TTC27: variants seen among roughly 807,000 people sequenced by gnomAD.
TTC27 encodes tetratricopeptide repeat domain 27.
A neutral mutation model predicts 115.9 loss-of-function variants in TTC27; 79 were observed. That is an observed-to-expected ratio of 0.68 (90% CI 0.57 to 0.82). The LOEUF (loss-of-function observed/expected upper bound fraction) is 0.82, where lower values mean the gene tolerates loss of function less well. Among genes scored for constraint, TTC27 ranks in the 40% least tolerant of loss-of-function variants. The pLI is 0.00. For synonymous variants in TTC27, 401 were observed against 356.0 expected (o/e 1.13, Z -1.42); for missense variants, 1,054 against 993.1 (o/e 1.06, Z -0.82).
chr2:32,818,145 T>A (rs1050837392), intron 19 of TTC27, among the ~76,000 whole-genome samples: 2 of 152,192 alleles, frequency 1.3e-5, no homozygotes, highest in Non-Finnish European at 2.9e-5. Flanking sequence ...GCTCTTGTAT[T>A]TATTGTCATT....
intron 16 of TTC27, among the ~76,000 whole-genome samples, chr2:32,797,528 C>A (rs900971918): frequency 5.3e-5 from 8 of 152,240 alleles, no homozygotes; most frequent in Admixed American, 4.6e-4. Context: ...GAAATTTCAA[C>A]AAATTGTCCT....
Position 32,691,749 on chromosome 2 carries a change from C to T in TTC27, c.1120-11058C>T, listed in dbSNP as rs574918100. On this transcript the variant is annotated intron_variant, in intron 9 of 19. Transcript: ENST00000317907. Reference sequence around the variant, plus strand: ...ATTACTAGAGTTTATTTCACATTCACAACAGTCATAAAAATATTAAAAGTA... The same window carrying T: ...ATTACTAGAGTTTATTTCACATTCATAACAGTCATAAAAATATTAAAAGTA... Among the ~76,000 whole-genome samples, 1,443 of 151,626 alleles carry T rather than the reference C, an allele frequency of 9.5e-3. 22 individuals carry two copies. The highest frequency in any genetic ancestry group is 0.033 in the African/African-American group (1,375 of 41,412).
chr2:32,646,168 A>G (rs1234483130), intron 4 of TTC27, among the ~76,000 whole-genome samples: 1 of 151,908 alleles, frequency 6.6e-6, no homozygotes, highest in African/African-American at 2.4e-5. Context: ...AGCTGGGACT[A>G]CAGGCGCCCA....
intron 13 of TTC27, 71 bp downstream of exon 13, chr2:32,758,590 A>G: frequency 1.4e-6 from 2 of 1,411,988 alleles, no homozygotes; most frequent in South Asian, 2.4e-5. Context: ...TTACAGAATG[A>G]GTACCCATTT....
At chr2:32,687,088 G>A (rs1004734552) in intron 9 of TTC27, among the ~76,000 whole-genome samples, 6 of 151,970 alleles carry the variant, frequency 3.9e-5, no homozygotes, top group Admixed American at 6.6e-5. Context: ...CAGGTGATCC[G>A]CCTACCTCAG....
At chr2:32,795,148 A>C (rs1382200226) in intron 16 of TTC27, among the ~76,000 whole-genome samples, 1 of 147,932 alleles carries the variant, frequency 6.8e-6, no homozygotes, top group Non-Finnish European at 1.5e-5. Context: ...AAAAAAAAAC[A>C]AACAAAACAC....
chr2:32,708,301 C>CTTTTTTTTTTTTTTTTTTTTTTT (rs1159740039), intron 10 of TTC27, among the ~76,000 whole-genome samples: 3 of 80,304 alleles, frequency 3.7e-5, no homozygotes, highest in African/African-American at 5.3e-5. Context: ...TTTTCTCTAC[C>CTTTTTTTTTTTTTTTTTTTTTTT]TTGTTTTTTT....
chr2:32,651,147 A>T (rs1317395361), intron 5 of TTC27, among the ~76,000 whole-genome samples: 7 of 152,060 alleles, frequency 4.6e-5, no homozygotes, highest in Admixed American at 4.6e-4. Flanking sequence ...CAAAGCCCAG[A>T]CTCCTTTCAG....
chr2:32,631,375 C>A (rs1559177726), intron 2 of TTC27, among the ~76,000 whole-genome samples: 1 of 152,076 alleles, frequency 6.6e-6, no homozygotes, highest in Non-Finnish European at 1.5e-5. Context: ...TAATTTGTAA[C>A]TATTTATTAT....
intron 9 of TTC27, among the ~76,000 whole-genome samples, chr2:32,686,927 C>T (rs1171656163): frequency 1.3e-5 from 2 of 152,184 alleles, no homozygotes; most frequent in Non-Finnish European, 2.9e-5. Flanking sequence ...TCACTGCAAC[C>T]TCTACCTCCT....
At chr2:32,719,293 G>T (rs1301149074) in intron 10 of TTC27, among the ~76,000 whole-genome samples, 1 of 152,198 alleles carries the variant, frequency 6.6e-6, no homozygotes, top group South Asian at 2.1e-4. Flanking sequence ...AGGCTTTGCA[G>T]TGATTAGGAG....
intron 16 of TTC27, among the ~76,000 whole-genome samples, chr2:32,797,601 C>T (rs775019980): frequency 6.6e-6 from 1 of 152,190 alleles, no homozygotes; most frequent in Non-Finnish European, 1.5e-5. Context: ...ACTGTATACA[C>T]ATGCTAACTC....
chr2:32,758,531 C>T lies in TTC27; in HGVS notation c.1680+12C>T. ...TTAATCCCATGCAGGTTAGACAACTCATAACCCCCTGCTGCTCTCAGCGCT... is the reference window on the plus strand; with the variant it reads ...TTAATCCCATGCAGGTTAGACAACTTATAACCCCCTGCTGCTCTCAGCGCT... On this transcript the variant is annotated intron_variant, in intron 13 of 19. Transcript: ENST00000317907. 1.2e-6 allele frequency: 2 copies of T among 1,609,998 alleles called. No homozygotes were observed. Among genetic ancestry groups the T allele is most frequent in the Non-Finnish European group, 1.7e-6 (2 of 1,176,372 alleles).
Position 32,788,369 on chromosome 2 carries a change from G to A in TTC27, c.1998+1220G>A, listed in dbSNP as rs534607537. Among the ~76,000 whole-genome samples the A allele has an allele frequency of 1.5e-4, 22 of 151,630 alleles. 1 individual carries two copies. The South Asian group carries it at 4.5e-3, about 31-fold the overall frequency. On this transcript the variant is annotated intron_variant, in intron 16 of 19. Transcript: ENST00000317907. ...CTTAGAAGTCCTCTAGGGCCAGGCT[G>A]AATTAGTTTACACACCAAGTCAGAA...
At position 32,703,068 on chromosome 2, in the gene TTC27, A is replaced by G. The variant is rs1230369607; in HGVS notation, c.1233+148A>G. On this transcript the variant is annotated intron_variant, in intron 10 of 19. Coordinates refer to ENST00000317907, the MANE Select transcript of TTC27 (RefSeq NM_017735.5). ...GTTTAGAGAATAAGTTCTATAATTT[A>G]ACTTCTTGGTTCCAAAGCCCAGCTC... 4 of 644,588 alleles carry G rather than the reference A, an allele frequency of 6.2e-6. No homozygotes were observed. The Admixed American group carries it at 1.2e-4, about 19-fold the overall frequency. 39.9% of individuals were successfully genotyped at this position (644,588 alleles called of 1,614,324 possible).
At chr2:32,640,500 G>A in intron 4 of TTC27, 90 bp downstream of exon 4, 1 of 1,360,748 alleles carries the variant, frequency 7.3e-7, no homozygotes, top group Non-Finnish European at 1.0e-6. Context: ...CAATGTCTTG[G>A]TCTATTTTGT....
chr2:32,707,367 A>C (rs1667409910), intron 10 of TTC27, among the ~76,000 whole-genome samples: 1 of 152,088 alleles, frequency 6.6e-6, no homozygotes, highest in Admixed American at 6.5e-5. Context: ...ATGGTAATTA[A>C]CCCACTCCCA....
chr2:32,734,745 G>C (rs1372811162), intron 11 of TTC27, among the ~76,000 whole-genome samples: 2 of 152,132 alleles, frequency 1.3e-5, no homozygotes, highest in African/African-American at 4.8e-5. Context: ...CAATCTACAT[G>C]AACTAGGTTT....
chr2:32,792,666 G>A (rs1487835917), intron 16 of TTC27, among the ~76,000 whole-genome samples: 1 of 151,262 alleles, frequency 6.6e-6, no homozygotes, highest in Non-Finnish European at 1.5e-5. Flanking sequence ...GTGGGAAATT[G>A]CTTCATTCTT....
Sources: allele counts gnomAD v4.1 joint callset (sites outside exome capture counted in the v4.1 genomes callset), GRCh38; gene constraint gnomAD v4.1.1; transcripts MANE v1.5; gene names NCBI Gene and HGNC (gene_info 2026-07-23, HGNC 2026-07-21).